Variants in NT5C2 observed in about 807,000 individuals in gnomAD.
NT5C2 encodes the protein cytosolic purine 5'-nucleotidase.
Under a neutral mutation model 76.1 loss-of-function variants are expected in NT5C2, and 58 were observed. The observed-to-expected ratio is 0.76, with a 90% CI of 0.62 to 0.95. The LOEUF (loss-of-function observed/expected upper bound fraction) is 0.95, where lower values mean the gene tolerates loss of function less well. NT5C2 is among the 40% of genes least tolerant of loss of function. The probability of loss-of-function intolerance (pLI) is 0.00; values close to 1 mark genes in which losing one functional copy is unlikely to be tolerated. For missense variants in NT5C2, 478 were observed against 690.3 expected, an observed-to-expected ratio of 0.69 and a Z score of 3.45; for synonymous variants, 229 against 237.4, an observed-to-expected ratio of 0.96 and a Z score of 0.32.
At chr10:103,114,259 C>G (rs1450960217) in intron 4 of NT5C2, among the ~76,000 whole-genome samples, 2 of 151,922 alleles carry the variant, frequency 1.3e-5, no homozygotes, top group South Asian at 4.2e-4. Flanking sequence ...CTAAAAAATA[C>G]AACAACAAAA....
At chr10:103,136,642 T>G (rs1230233082) in intron 4 of NT5C2, among the ~76,000 whole-genome samples, 5 of 149,728 alleles carry the variant, frequency 3.3e-5, no homozygotes, top group African/African-American at 1.2e-4. Flanking sequence ...TTTTTTTTTT[T>G]GAGACACGGT....
rs201330746 is a variant in NT5C2, at chr10:103,158,817, TAA to T, written c.101+16039_101+16040del. ...TGGGTGACAGAGCGAGACTCTTATC[TAA>T]AAAAAAAAAAAAAAGAAGAATAAAA... On this transcript the variant is annotated intron_variant, in intron 3 of 18. Transcript: ENST00000404739. 2.6e-3 allele frequency among the ~76,000 whole-genome samples: 322 copies of T among 124,936 alleles called. 1 individual carries two copies. Among genetic ancestry groups the T allele is most frequent in the African/African-American group, 7.2e-3 (244 of 34,082 alleles). 82.0% of individuals were successfully genotyped at this position (124,936 alleles called of 152,430 possible). A position where few individuals can be genotyped will look rare whatever the true frequency, so the allele number is the denominator to read the frequency against.
intron 4 of NT5C2, among the ~76,000 whole-genome samples, chr10:103,112,093 G>A (rs572377972): frequency 2.6e-5 from 4 of 152,138 alleles, no homozygotes; most frequent in East Asian, 1.9e-4. Context: ...ATGTTAAGTC[G>A]AAAGACAAAC....
intron 4 of NT5C2, among the ~76,000 whole-genome samples, chr10:103,128,436 C>T (rs1166110640): frequency 2.5e-5 from 3 of 121,218 alleles, no homozygotes; most frequent in Non-Finnish European, 3.6e-5. Flanking sequence ...CTCCCAGCCG[C>T]CTGCCTTGGC....
intron 4 of NT5C2, among the ~76,000 whole-genome samples, chr10:103,123,405 T>C (rs1343555399): frequency 6.6e-6 from 1 of 152,114 alleles, no homozygotes; most frequent in Non-Finnish European, 1.5e-5. Context: ...TTATTTTTTG[T>C]AGAGATGAGG....
intron 3 of NT5C2, among the ~76,000 whole-genome samples, chr10:103,173,750 C>G (rs2134764593): frequency 6.7e-6 from 1 of 149,866 alleles, no homozygotes; most frequent in South Asian, 2.1e-4. Context: ...GATGGTGAAA[C>G]CCTGTCACTA....
chr10:103,119,892 A>T (rs2075305569), intron 4 of NT5C2, among the ~76,000 whole-genome samples: 3 of 152,002 alleles, frequency 2.0e-5, no homozygotes, highest in Admixed American at 2.0e-4. Flanking sequence ...TGAGTCCAGG[A>T]ATTAGAGACC....
chr10:103,106,358 G>A (rs2071269797), intron 5 of NT5C2, among the ~76,000 whole-genome samples: 1 of 152,086 alleles, frequency 6.6e-6, no homozygotes, highest in Non-Finnish European at 1.5e-5. Flanking sequence ...CTGTAAGTGG[G>A]TCTTCCTCAG....
intron 10 of NT5C2, chr10:103,098,052 G>A (rs765163407): frequency 3.8e-6 from 2 of 529,420 alleles, no homozygotes; most frequent in South Asian, 1.4e-5. Flanking sequence ...CTTTACCACA[G>A]TACTTTGAGA....
At chr10:103,141,896 G>GT (rs771211942) in intron 3 of NT5C2, among the ~76,000 whole-genome samples, 25 of 152,136 alleles carry the variant, frequency 1.6e-4, no homozygotes, top group Non-Finnish European at 2.6e-4. Context: ...CAGCAATTCA[G>GT]TAAGTACTAT....
intron 2 of NT5C2, among the ~76,000 whole-genome samples, chr10:103,179,769 C>T (rs1208799896): frequency 5.3e-5 from 8 of 152,172 alleles, no homozygotes; most frequent in Admixed American, 3.3e-4. Context: ...TCATATTAAT[C>T]TGTTTTGCAT....
At chr10:103,167,127 T>C (rs573092214) in intron 3 of NT5C2, among the ~76,000 whole-genome samples, 5 of 152,160 alleles carry the variant, frequency 3.3e-5, no homozygotes, top group African/African-American at 1.2e-4. Flanking sequence ...GCGATTCTCC[T>C]GCCTCAGCCT....
intron 3 of NT5C2, among the ~76,000 whole-genome samples, chr10:103,143,048 G>A (rs554981676): frequency 9.6e-4 from 146 of 151,938 alleles, no homozygotes; most frequent in African/African-American, 3.4e-3. Context: ...GAACGGAAAG[G>A]GAAAAGACAG....
intron 2 of NT5C2, among the ~76,000 whole-genome samples, chr10:103,180,576 G>T (rs2090873270): frequency 6.6e-6 from 1 of 152,028 alleles, no homozygotes. Context: ...TACGAAAATT[G>T]AAAAATTAGT....
At chr10:103,123,634 C>G (rs1056091372) in intron 4 of NT5C2, among the ~76,000 whole-genome samples, 1 of 152,190 alleles carries the variant, frequency 6.6e-6, no homozygotes, top group Non-Finnish European at 1.5e-5. Flanking sequence ...TTTCTATCTT[C>G]CTGAAAATTT....
At chr10:103,157,001 T>C (rs1041928390) in intron 3 of NT5C2, among the ~76,000 whole-genome samples, 1 of 151,678 alleles carries the variant, frequency 6.6e-6, no homozygotes, top group Non-Finnish European at 1.5e-5. Flanking sequence ...CCAAAGTTGG[T>C]AGGTAACATT....
intron 4 of NT5C2, among the ~76,000 whole-genome samples, chr10:103,138,516 G>A (rs918269471): frequency 3.3e-5 from 5 of 152,084 alleles, no homozygotes; most frequent in Non-Finnish European, 5.9e-5. Flanking sequence ...CCACTTATGA[G>A]TGAGAACATG....
chr10:103,158,273 A>G (rs545505962), intron 3 of NT5C2, among the ~76,000 whole-genome samples: 2 of 152,240 alleles, frequency 1.3e-5, no homozygotes, highest in South Asian at 4.1e-4. Context: ...ATATTTAAAA[A>G]GAAGAAACAT....
intron 1 of NT5C2, among the ~76,000 whole-genome samples, chr10:103,188,522 A>T (rs1447720129): frequency 6.6e-6 from 1 of 152,212 alleles, no homozygotes; most frequent in East Asian, 1.9e-4. Flanking sequence ...AAGACAAAAA[A>T]TGCAAAACAT....
Sources: allele counts gnomAD v4.1 joint callset (sites outside exome capture counted in the v4.1 genomes callset), GRCh38; gene constraint gnomAD v4.1.1; transcripts MANE v1.5; gene names NCBI Gene and HGNC (gene_info 2026-07-23, HGNC 2026-07-21).